The following CNTN5 variants were observed in gnomAD, a reference collection of about 807,000 sequenced individuals.
CNTN5 encodes the protein contactin-5.
In CNTN5, 77 loss-of-function variants were observed where a neutral mutation model predicts 129.1. The ratio of observed to expected loss-of-function variants is 0.60; its 90% CI spans 0.50 to 0.72. CNTN5 has a LOEUF of 0.72. Ranked by LOEUF, CNTN5 falls within the 30% of genes least tolerant of loss-of-function variation. The pLI is 0.00. For synonymous variants in CNTN5, 509 were observed against 465.6 expected (o/e 1.09, Z -1.20); for missense variants, 1,478 against 1,328.8 (o/e 1.11, Z -1.75).
At chr11:99,348,865 G>A (rs774336166) in intron 2 of CNTN5, among the ~76,000 whole-genome samples, 5 of 152,164 alleles carry the variant, frequency 3.3e-5, no homozygotes, top group Non-Finnish European at 7.3e-5. Context: ...GTGCCTAAGT[G>A]CTCCATGTGT....
rs532425991 is a variant in CNTN5 at position 99,356,116 on chromosome 11, G to A, written c.-71+30632G>A. Among the ~76,000 whole-genome samples, 44 of 152,062 alleles carry A rather than the reference G, an allele frequency of 2.9e-4. No individual in the cohort carries two copies. The South Asian group carries it at 6.2e-3, about 22-fold the overall frequency. On this transcript the variant is annotated intron_variant, in intron 2 of 24. Transcript: ENST00000524871. ...GCTGGGATTACAGGTGTGAGCCACC[G>A]CGCCCGGCCTCTGTCATGTTTTATA...
intron 7 of CNTN5, among the ~76,000 whole-genome samples, chr11:99,948,324 T>C (rs1950598610): frequency 6.6e-6 from 1 of 152,218 alleles, no homozygotes. Flanking sequence ...CCCGTGCTGG[T>C]ATTTTATAGT....
chr11:99,688,838 A>G (rs769678282), intron 3 of CNTN5, among the ~76,000 whole-genome samples: 12 of 152,108 alleles, frequency 7.9e-5, no homozygotes, highest in African/African-American at 1.4e-4. Context: ...GCATTCACTT[A>G]TAGGTGAGAA....
intron 3 of CNTN5, among the ~76,000 whole-genome samples, chr11:99,590,969 A>T (rs1250005476): frequency 6.6e-6 from 1 of 152,240 alleles, no homozygotes; most frequent in African/African-American, 2.4e-5. Context: ...TAATATAACT[A>T]TACATGCAAA....
At chr11:99,045,336 T>C (rs186101344) in intron 1 of CNTN5, among the ~76,000 whole-genome samples, 1 of 152,252 alleles carries the variant, frequency 6.6e-6, no homozygotes. Flanking sequence ...GCATGCCTGA[T>C]AGCATGCTAA....
At chr11:100,315,914 A>C (rs1951565011) in intron 21 of CNTN5, among the ~76,000 whole-genome samples, 1 of 152,164 alleles carries the variant, frequency 6.6e-6, no homozygotes, top group Admixed American at 6.5e-5. Context: ...ATGATTGAAA[A>C]TTGAAAGTGG....
At chr11:99,461,968 C>A (rs1166284438) in intron 2 of CNTN5, among the ~76,000 whole-genome samples, 4 of 152,060 alleles carry the variant, frequency 2.6e-5, no homozygotes, top group African/African-American at 9.7e-5. Flanking sequence ...AAAGCATGTT[C>A]TATTTATGCT....
chr11:100,094,111 A>C (rs139193448), intron 13 of CNTN5, among the ~76,000 whole-genome samples: 1 of 152,226 alleles, frequency 6.6e-6, no homozygotes, highest in African/African-American at 2.4e-5. Context: ...CTTGGGTTAA[A>C]AAAATTAAAA....
intron 2 of CNTN5, among the ~76,000 whole-genome samples, chr11:99,362,540 A>G (rs1939184322): frequency 1.3e-5 from 2 of 151,900 alleles, no homozygotes; most frequent in Admixed American, 6.6e-5. Context: ...ATCATATCTG[A>G]AAAATAATTG....
At chr11:99,664,266 A>G (rs938119261) in intron 3 of CNTN5, among the ~76,000 whole-genome samples, 2 of 152,180 alleles carry the variant, frequency 1.3e-5, no homozygotes, top group Admixed American at 6.5e-5. Flanking sequence ...TATTGTTTAC[A>G]TATGATTGTG....
chr11:99,225,377 T>G (rs1270300276), intron 1 of CNTN5, among the ~76,000 whole-genome samples: 1 of 152,174 alleles, frequency 6.6e-6, no homozygotes, highest in Non-Finnish European at 1.5e-5. Flanking sequence ...TTTATTGGCC[T>G]TTTTCTGTTT....
chr11:99,594,133 G>T (rs2135676876), intron 3 of CNTN5, among the ~76,000 whole-genome samples: 1 of 152,106 alleles, frequency 6.6e-6, no homozygotes, highest in East Asian at 1.9e-4. Flanking sequence ...ATCCAGTATT[G>T]TTATACTTTT....
At chr11:100,105,687 C>T (rs1945402863) in intron 13 of CNTN5, among the ~76,000 whole-genome samples, 1 of 152,118 alleles carries the variant, frequency 6.6e-6, no homozygotes, top group African/African-American at 2.4e-5. Context: ...CCTTTTCCTC[C>T]TCTCCTTTGT....
chr11:99,857,020 A>C (rs1276036358), intron 6 of CNTN5, among the ~76,000 whole-genome samples: 137 of 112,988 alleles, frequency 1.2e-3, no homozygotes, highest in Middle Eastern at 4.9e-3. Flanking sequence ...CTCTCTCTCT[A>C]TCTATCTCTA....
intron 18 of CNTN5, among the ~76,000 whole-genome samples, chr11:100,280,000 G>T (rs1565394738): frequency 6.7e-6 from 1 of 148,362 alleles, no homozygotes; most frequent in Non-Finnish European, 1.5e-5. Flanking sequence ...GTCTTGGTAT[G>T]CTGTGATTCC....
At chr11:100,325,610 T>G (rs763790190) in intron 21 of CNTN5, among the ~76,000 whole-genome samples, 1 of 152,180 alleles carries the variant, frequency 6.6e-6, no homozygotes. Flanking sequence ...ACAACTTCAC[T>G]CATACATATG....
chr11:99,107,624 G>A (rs545258272), intron 1 of CNTN5, among the ~76,000 whole-genome samples: 1 of 152,054 alleles, frequency 6.6e-6, no homozygotes, highest in Non-Finnish European at 1.5e-5. Flanking sequence ...AAAAATCTGG[G>A]ACAAAATGGA....
At chr11:99,767,596 A>G (rs567626137) in intron 3 of CNTN5, among the ~76,000 whole-genome samples, 4 of 144,748 alleles carry the variant, frequency 2.8e-5, no homozygotes, top group African/African-American at 5.1e-5. Flanking sequence ...TTATTTTCCC[A>G]TTGATTACTA....
intron 3 of CNTN5, among the ~76,000 whole-genome samples, chr11:99,729,027 T>C: frequency 6.6e-6 from 1 of 152,120 alleles, no homozygotes; most frequent in East Asian, 1.9e-4. Flanking sequence ...TAGGAGCATG[T>C]CCTCTGGGGT....
Sources: gnomAD v4.1 joint callset for allele counts (sites outside exome capture counted in the v4.1 genomes callset) on GRCh38, gnomAD v4.1.1 for gene constraint, MANE v1.5 for transcripts, NCBI Gene and HGNC (gene_info 2026-07-23, HGNC 2026-07-21) for gene names.